DYSF: variants seen among roughly 807,000 people sequenced by gnomAD.
DYSF encodes the protein dystrophy-associated fer-1-like 1.
DYSF carries 212 observed loss-of-function variants against 274.9 expected under a neutral mutation model. The observed-to-expected ratio is 0.77, with a 90% CI of 0.69 to 0.86. DYSF has a LOEUF of 0.86. Among genes scored for constraint, DYSF ranks in the 40% least tolerant of loss-of-function variants. The probability of loss-of-function intolerance (pLI) is 0.00; values close to 1 mark genes in which losing one functional copy is unlikely to be tolerated. For missense variants in DYSF, 2,666 were observed against 2,783.2 expected (o/e 0.96, Z 0.95); for synonymous variants, 1,091 against 1,078.7 (o/e 1.01, Z -0.22).
intron 52 of DYSF, among the ~76,000 whole-genome samples, chr2:71,677,686 TAGCAAGTGTTTTGAGGATGTGGAGAA>T (rs1250831529): frequency 6.6e-6 from 1 of 152,224 alleles, no homozygotes; most frequent in Non-Finnish European, 1.5e-5. Flanking sequence ...AACCAGAATA[TAGCAAGTGTTTTGAGGATGTGGAGAA>T]ATTGCTGGTG....
At chr2:71,649,300 G>C (rs2094616926) in intron 42 of DYSF, among the ~76,000 whole-genome samples, 1 of 152,154 alleles carries the variant, frequency 6.6e-6, no homozygotes, top group Non-Finnish European at 1.5e-5. Flanking sequence ...AAGGACAAAA[G>C]AGTATGGAAT....
At chr2:71,508,287 C>A (rs1479740766) in intron 4 of DYSF, among the ~76,000 whole-genome samples, 2 of 152,160 alleles carry the variant, frequency 1.3e-5, no homozygotes, top group Non-Finnish European at 2.9e-5. Context: ...TAAGGACTTT[C>A]TCCTACATAA....
chr2:71,604,300 A>G (rs2093608584), intron 36 of DYSF, among the ~76,000 whole-genome samples: 1 of 152,268 alleles, frequency 6.6e-6, no homozygotes, highest in Middle Eastern at 3.4e-3. Flanking sequence ...CTTCGCTTTA[A>G]GAAGCCCCAG....
At chr2:71,514,833 T>C (rs1265433781) in intron 7 of DYSF, among the ~76,000 whole-genome samples, 10 of 152,230 alleles carry the variant, frequency 6.6e-5, no homozygotes, top group Non-Finnish European at 1.5e-4. Context: ...ATGTTCATAT[T>C]GCCTTTGTTC....
chr2:71,593,436 A>G (rs1322507206), intron 32 of DYSF, among the ~76,000 whole-genome samples: 1 of 152,090 alleles, frequency 6.6e-6, no homozygotes, highest in Non-Finnish European at 1.5e-5. Flanking sequence ...CGGCCAGTTC[A>G]ATGACTTCTT....
chr2:71,474,347 T>C (rs1217710346), intron 1 of DYSF, among the ~76,000 whole-genome samples: 4 of 152,240 alleles, frequency 2.6e-5, no homozygotes, highest in African/African-American at 9.6e-5. Context: ...TTACACCTGT[T>C]GCTGGTCCCC....
In DYSF at chr2:71,525,725, G is replaced by T. The variant is rs1432689434; in HGVS notation, c.1150-495G>T. ...TCCCTGCATGATAGTCAGCTCCATG[G>T]GAACAGGGTGCTTATTCATGTCATC... On this transcript the variant is annotated intron_variant, in intron 12 of 55. Transcript: ENST00000410020. Among the ~76,000 whole-genome samples the T allele has an allele frequency of 3.3e-5, 5 of 152,084 alleles. 1 individual carries two copies. The highest frequency in any genetic ancestry group is 4.8e-5 in the African/African-American group (2 of 41,418).
chr2:71,501,598 T>C (rs531155771), intron 3 of DYSF, among the ~76,000 whole-genome samples: 1 of 152,298 alleles, frequency 6.6e-6, no homozygotes, highest in Non-Finnish European at 1.5e-5. Context: ...CCCCCCAGCT[T>C]GTATCAGCCA....
chr2:71,668,948 A>G (rs1048276030), intron 49 of DYSF, 106 bp downstream of exon 49: 6 of 1,370,722 alleles, frequency 4.4e-6, no homozygotes, highest in Admixed American at 3.9e-5. Context: ...GCTTCAGGCT[A>G]TTTGGGCCAT....
intron 23 of DYSF, 25 bp from the exon 24 acceptor site, chr2:71,564,033 A>C (rs755147328): frequency 9.3e-6 from 15 of 1,613,140 alleles, no homozygotes; most frequent in Non-Finnish European, 8.5e-7. Context: ...CACCATCCCC[A>C]CCCCGACCAC....
chr2:71,456,609 C>T (rs973674216), intron 1 of DYSF, among the ~76,000 whole-genome samples: 1 of 152,110 alleles, frequency 6.6e-6, no homozygotes, highest in Non-Finnish European at 1.5e-5. Flanking sequence ...ATTATAATAC[C>T]CTGTAGCCAC....
upstream of DYSF, among the ~76,000 whole-genome samples, chr2:71,466,533 AG>A (rs1218578638): frequency 1.3e-5 from 2 of 152,052 alleles, no homozygotes; most frequent in Non-Finnish European, 2.9e-5. Flanking sequence ...CCTGGCCGGG[AG>A]CTGGGACCCG....
chr2:71,515,107 C>T (rs2086519670), intron 7 of DYSF, among the ~76,000 whole-genome samples: 1 of 152,142 alleles, frequency 6.6e-6, no homozygotes, highest in Non-Finnish European at 1.5e-5. Flanking sequence ...TATTTGGAAG[C>T]ATAGACGTTC....
At chr2:71,588,225 C>G (rs1347111707) in intron 30 of DYSF, among the ~76,000 whole-genome samples, 1 of 152,114 alleles carries the variant, frequency 6.6e-6, no homozygotes, top group African/African-American at 2.4e-5. Context: ...CACTGGGGGT[C>G]TGAATGGGAG....
At chr2:71,466,999 G>T in intron 1 of DYSF, 66 bp downstream of exon 1, 1 of 1,527,832 alleles carries the variant, frequency 6.5e-7, no homozygotes, top group Non-Finnish European at 8.8e-7. Flanking sequence ...TCACTGGCGG[G>T]TCTGAAGCCC....
intron 35 of DYSF, 124 bp from the exon 36 acceptor site, chr2:71,602,652 G>T: frequency 1.0e-6 from 1 of 967,720 alleles, no homozygotes. Context: ...CCTCTTAGTG[G>T]TGGCATCTGG....
At chr2:71,658,505 T>C (rs2094816795) in intron 43 of DYSF, among the ~76,000 whole-genome samples, 1 of 152,228 alleles carries the variant, frequency 6.6e-6, no homozygotes. Context: ...TTCACACTGC[T>C]GATGAAGACA....
At chr2:71,614,712 G>T (rs1461082288) in intron 40 of DYSF, among the ~76,000 whole-genome samples, 9 of 152,114 alleles carry the variant, frequency 5.9e-5, no homozygotes, top group Admixed American at 5.2e-4. Flanking sequence ...TCAGCACAAG[G>T]CCTCGCTTAG....
intron 17 of DYSF, among the ~76,000 whole-genome samples, chr2:71,543,252 C>A (rs555038097): frequency 6.7e-6 from 1 of 148,764 alleles, no homozygotes; most frequent in East Asian, 2.0e-4. Flanking sequence ...GCGCTCCTCA[C>A]ATCCCAGACG....
Sources: gnomAD v4.1 joint callset for allele counts (sites outside exome capture counted in the v4.1 genomes callset) on GRCh38, gnomAD v4.1.1 for gene constraint, MANE v1.5 for transcripts, NCBI Gene and HGNC (gene_info 2026-07-23, HGNC 2026-07-21) for gene names.